NFIB: variants seen among roughly 807,000 people sequenced by gnomAD.
NFIB encodes nuclear factor I B, also known as nuclear factor 1 B-type.
NFIB carries 11 observed loss-of-function variants against 61.5 expected under a neutral mutation model. The ratio of observed to expected loss-of-function variants is 0.18; its 90% confidence interval spans 0.11 to 0.30. NFIB has a LOEUF of 0.30. NFIB is among the 10% of genes least tolerant of loss of function. NFIB has a pLI of 1.00. For missense variants in NFIB, 471 were observed against 608.9 expected (o/e 0.77, Z 2.38); for synonymous variants, 260 against 216.5 (o/e 1.20, Z -1.76).
chr9:14,107,481 T>C (rs1436345914), intron 10 of NFIB, among the ~76,000 whole-genome samples: 1 of 152,112 alleles, frequency 6.6e-6, no homozygotes, highest in Non-Finnish European at 1.5e-5. Context: ...AGAATAAACA[T>C]TATTAACCAT....
chr9:14,099,278 G>A (rs935816752), intron 10 of NFIB, among the ~76,000 whole-genome samples: 1 of 152,058 alleles, frequency 6.6e-6, no homozygotes, highest in African/African-American at 2.4e-5. Flanking sequence ...ATTCCATCGT[G>A]ACAAAGGCAA....
At chr9:14,296,962 C>A (rs1475905942) in intron 2 of NFIB, among the ~76,000 whole-genome samples, 1 of 152,232 alleles carries the variant, frequency 6.6e-6, no homozygotes, top group Non-Finnish European at 1.5e-5. Flanking sequence ...TAAGCCCCGC[C>A]TTTCTCTTTT....
At chr9:14,481,506 T>C in the NFIB span, among the ~76,000 whole-genome samples, 14,300 of 151,654 alleles carry the variant, frequency 0.094, 841 homozygotes, top group South Asian at 0.19. Flanking sequence ...ACTCTCTCGA[T>C]GAAAATTGAA....
At chr9:14,347,580 T>A (rs1022912183) in intron 1 of NFIB, among the ~76,000 whole-genome samples, 2 of 102,294 alleles carry the variant, frequency 2.0e-5, no homozygotes, top group African/African-American at 7.6e-5. Flanking sequence ...CTGGGTGCGA[T>A]TGGGAGAGGG....
the NFIB span, among the ~76,000 whole-genome samples, chr9:14,493,441 T>C: frequency 6.6e-6 from 1 of 152,246 alleles, no homozygotes; most frequent in Non-Finnish European, 1.5e-5. Flanking sequence ...ACTCTATCAT[T>C]AGATCTTTTA....
intron 1 of NFIB, among the ~76,000 whole-genome samples, chr9:14,332,748 A>C (rs998572744): frequency 7.2e-5 from 11 of 152,240 alleles, no homozygotes; most frequent in African/African-American, 2.2e-4. Flanking sequence ...TGCTGTGCCC[A>C]GGAAATACAG....
chr9:14,387,133 ATCACTGTGTG>A (rs1479261156), intron 1 of NFIB, among the ~76,000 whole-genome samples: 1 of 152,218 alleles, frequency 6.6e-6, no homozygotes, highest in Non-Finnish European at 1.5e-5. Flanking sequence ...CTAACTGTTC[ATCACTGTGTG>A]TCAGTTTAAT....
At chr9:14,520,394 C>T in the NFIB span, among the ~76,000 whole-genome samples, 2 of 152,278 alleles carry the variant, frequency 1.3e-5, no homozygotes, top group South Asian at 4.1e-4. Context: ...AACACAGACC[C>T]AGCCCGGCAG....
At chr9:14,090,583 G>A (rs557400458) in intron 10 of NFIB, among the ~76,000 whole-genome samples, 2 of 152,026 alleles carry the variant, frequency 1.3e-5, no homozygotes, top group East Asian at 1.9e-4. Context: ...GAGCATAGCT[G>A]GTGCTATTTC....
chr9:14,142,951 A>AT, intron 6 of NFIB, among the ~76,000 whole-genome samples: 1 of 152,180 alleles, frequency 6.6e-6, no homozygotes, highest in Non-Finnish European at 1.5e-5. Flanking sequence ...TTTCCTTTTC[A>AT]TTTTGTTCTG....
chr9:14,187,707 C>T (rs796584912), intron 2 of NFIB, among the ~76,000 whole-genome samples: 19 of 151,938 alleles, frequency 1.3e-4, no homozygotes, highest in Admixed American at 5.2e-4. Context: ...GATTTGTTAG[C>T]GCTCAAGACT....
the NFIB span, among the ~76,000 whole-genome samples, chr9:14,405,455 C>T: frequency 2.0e-5 from 3 of 152,208 alleles, no homozygotes; most frequent in Non-Finnish European, 4.4e-5. Flanking sequence ...GGCAGGGAAA[C>T]TGACTTTGGA....
chr9:14,356,697 G>A (rs1011150448), intron 1 of NFIB, among the ~76,000 whole-genome samples: 1 of 152,188 alleles, frequency 6.6e-6, no homozygotes, highest in African/African-American at 2.4e-5. Flanking sequence ...AGTTAGGAGG[G>A]CTGAGCTGGA....
chr9:14,373,288 A>C (rs1486007763), intron 1 of NFIB, among the ~76,000 whole-genome samples: 1 of 152,200 alleles, frequency 6.6e-6, no homozygotes, highest in Admixed American at 6.5e-5. Context: ...TGAATCTCTT[A>C]TTAGCATTTA....
At chr9:14,275,990 A>G (rs910897079) in intron 2 of NFIB, among the ~76,000 whole-genome samples, 1 of 152,136 alleles carries the variant, frequency 6.6e-6, no homozygotes, top group South Asian at 2.1e-4. Context: ...AGAGTCTCTC[A>G]AGCATATATG....
At chr9:14,312,751 C>T (rs1365193089) in intron 1 of NFIB, among the ~76,000 whole-genome samples, 4 of 152,212 alleles carry the variant, frequency 2.6e-5, no homozygotes, top group Admixed American at 6.5e-5. Flanking sequence ...AAATGCCTTA[C>T]GAGCTACGCC....
intron 2 of NFIB, among the ~76,000 whole-genome samples, chr9:14,290,095 C>T (rs1453207602): frequency 2.0e-5 from 3 of 151,904 alleles, no homozygotes; most frequent in African/African-American, 7.3e-5. Flanking sequence ...CTGGATTGTA[C>T]CAGGAAATTT....
intron 1 of NFIB, chr9:14,361,178 T>C (rs1421281555): frequency 6.6e-6 from 1 of 151,732 alleles, no homozygotes; most frequent in Non-Finnish European, 1.5e-5. Context: ...TTTAATCTAA[T>C]TAAATTCAGA....
chr9:14,216,492 T>TTCTCTC lies in NFIB; in HGVS notation c.563-36718_563-36713dup, dbSNP rs993666009. Reference sequence around the variant, plus strand: ...GGTAAGAAGGAAGGTTCTCCATTCTTTCTCTCTCTCTCTCTCTCTCTCTCT... The same window carrying TTCTCTC: ...GGTAAGAAGGAAGGTTCTCCATTCTTTCTCTCTCTCTCTCTCTCTCTCTCTCTCTCT... On this transcript the variant is annotated intron_variant, in intron 2 of 10. Coordinates refer to ENST00000380953, the MANE Select transcript of NFIB (RefSeq NM_001190737.2). Among the ~76,000 whole-genome samples the TTCTCTC allele has an allele frequency of 2.7e-5, 3 of 110,736 alleles. 1 individual carries two copies. The highest frequency in any genetic ancestry group is 1.1e-4 in the African/African-American group (3 of 27,094). The allele number at this position is 110,736 out of a possible 152,430, so 72.6% of individuals were successfully genotyped here.
Sources: gnomAD v4.1 joint callset for allele counts (sites outside exome capture counted in the v4.1 genomes callset) on GRCh38, gnomAD v4.1.1 for gene constraint, MANE v1.5 for transcripts, NCBI Gene and HGNC (gene_info 2026-07-23, HGNC 2026-07-21) for gene names.